The following AK9 variants were observed in gnomAD, a reference collection of about 807,000 sequenced individuals.
The protein encoded by AK9 is adenylate kinase 9, also known as adenylate kinase domain containing 1.
AK9 carries 191 observed loss-of-function variants against 239.6 expected under a neutral mutation model. The ratio of observed to expected loss-of-function variants is 0.80; its 90% CI spans 0.71 to 0.90. The LOEUF is 0.90. AK9 is among the 40% of genes least tolerant of loss of function. AK9 has a pLI of 0.00. For missense variants in AK9, 1,995 were observed against 2,214.7 expected (o/e 0.90, Z 1.99); for synonymous variants, 689 against 721.0 (o/e 0.96, Z 0.71).
At chr6:109,533,217 A>C in intron 28 of AK9, 34 bp downstream of exon 28, 1 of 1,504,442 alleles carries the variant, frequency 6.6e-7, no homozygotes, top group South Asian at 1.3e-5. Flanking sequence ...GATGCTGAAC[A>C]GATTTATTCA....
intron 23 of AK9, 105 bp from the exon 24 acceptor site, chr6:109,563,817 C>A (rs575884570): frequency 2.3e-6 from 3 of 1,313,824 alleles, no homozygotes; most frequent in East Asian, 5.1e-5. Context: ...TATTATTAGT[C>A]TCTTAGATTA....
At chr6:109,547,240 G>A (rs767422682) in intron 25 of AK9, among the ~76,000 whole-genome samples, 2 of 152,154 alleles carry the variant, frequency 1.3e-5, no homozygotes, top group Non-Finnish European at 2.9e-5. Flanking sequence ...TTATACAGAA[G>A]AGCTTAGATT....
chr6:109,677,801 A>G (rs1307333524), intron 1 of AK9, among the ~76,000 whole-genome samples: 1 of 152,244 alleles, frequency 6.6e-6, no homozygotes, highest in African/African-American at 2.4e-5. Context: ...TATACAGATG[A>G]CAAACACATG....
chr6:109,523,244 A>G (rs537243205), intron 29 of AK9, among the ~76,000 whole-genome samples: 13 of 66,054 alleles, frequency 2.0e-4, no homozygotes, highest in African/African-American at 5.0e-4. Context: ...AGATCATCTA[A>G]GAGACTCTCA....
chr6:109,575,743 C>A (rs1346576833), intron 20 of AK9, among the ~76,000 whole-genome samples: 1 of 152,094 alleles, frequency 6.6e-6, no homozygotes, highest in Non-Finnish European at 1.5e-5. Flanking sequence ...TTTGCCTAAG[C>A]CAATGTCTAT....
chr6:109,668,448 T>C (rs1801575975), intron 5 of AK9, among the ~76,000 whole-genome samples: 1 of 151,790 alleles, frequency 6.6e-6, no homozygotes, highest in African/African-American at 2.4e-5. Flanking sequence ...TTGCTTTTGG[T>C]ATTTTAGACA....
intron 15 of AK9, 62 bp downstream of exon 15, chr6:109,614,121 T>G: frequency 6.9e-7 from 1 of 1,444,086 alleles, no homozygotes; most frequent in Non-Finnish European, 9.5e-7. Context: ...ATAAACATAA[T>G]CAAATATGAA....
chr6:109,534,089 C>T (rs898812644), intron 27 of AK9, among the ~76,000 whole-genome samples: 4 of 151,850 alleles, frequency 2.6e-5, no homozygotes, highest in Admixed American at 2.6e-4. Flanking sequence ...ATGTATGTAT[C>T]CTGGTTCCTA....
chr6:109,495,339 T>C lies in AK9; in HGVS notation c.5417A>G (p.Gln1806Arg). The C allele has an allele frequency of 6.2e-7, 1 of 1,606,040 alleles. No homozygotes were observed. Among genetic ancestry groups the C allele is most frequent in the Non-Finnish European group, 8.5e-7 (1 of 1,174,900 alleles). The change falls in exon 39 of 41, where the codon CAG becomes CGG. Residue 1806 changes from glutamine (Q) to arginine (R), a missense_variant and splice_region_variant. Around this residue, in one of 5 missense-constraint regions of AK9, gnomAD observed 391 missense variants for 456.0 expected, o/e 0.86. Transcript: ENST00000424296. ...TAACAGAAAATTAAGTAAAAGAACC[T>C]GTTCCAGATATCCAGGCAAAGGAAG... ...TSLPLPGYLE[Q>R]GIATSLIKAM...
In AK9 at chr6:109,545,961, T is replaced by C; in HGVS notation, c.3131A>G (p.Glu1044Gly). The change falls in exon 26 of 41, where the codon GAA becomes GGA. Residue 1044 changes from glutamate (E) to glycine (G), a missense_variant. Transcript: ENST00000424296. ...GGCAGCTTGCTCGTTCTCAGAATCT[T>C]CCTCAAATTCAGGTCCCACTTTCTT... is the stretch of plus-strand genomic sequence containing the variant. Reference protein sequence around the residue: ...TEKKVGPEFEEDSENEQAAKQ... With the variant: ...TEKKVGPEFEGDSENEQAAKQ... 6.2e-7 allele frequency: 1 copy of C among 1,614,242 alleles called. No homozygotes were observed.
At chr6:109,660,367 T>C (rs1389323430) in intron 6 of AK9, among the ~76,000 whole-genome samples, 1 of 152,154 alleles carries the variant, frequency 6.6e-6, no homozygotes, top group African/African-American at 2.4e-5. Flanking sequence ...TGTCATTTAT[T>C]AAGTTTGGAG....
intron 13 of AK9, among the ~76,000 whole-genome samples, chr6:109,615,918 C>G (rs898224847): frequency 4.8e-5 from 4 of 83,488 alleles, no homozygotes; most frequent in African/African-American, 1.7e-4. Flanking sequence ...CCTAAATAAA[C>G]AAACAAAAGT....
intron 20 of AK9, among the ~76,000 whole-genome samples, chr6:109,574,898 C>T (rs1562433752): frequency 6.6e-6 from 1 of 152,092 alleles, no homozygotes; most frequent in Non-Finnish European, 1.5e-5. Context: ...TCTATTATAT[C>T]ATTCTTATGC....
At chr6:109,508,985 G>T (rs1778401164) in intron 33 of AK9, among the ~76,000 whole-genome samples, 194 bp downstream of exon 33, 1 of 152,180 alleles carries the variant, frequency 6.6e-6, no homozygotes, top group Non-Finnish European at 1.5e-5. Flanking sequence ...AATCTGGCAT[G>T]TGAATTTTCA....
intron 1 of AK9, chr6:109,690,616 T>C (rs1013528820): frequency 6.6e-6 from 1 of 152,172 alleles, no homozygotes; most frequent in Non-Finnish European, 1.5e-5. Context: ...TGTAGTTCTT[T>C]GTCATTTCTT....
In AK9 at chr6:109,579,704, G is replaced by A. The variant is rs568723423; in HGVS notation, c.2115-78C>T. On this transcript the variant is annotated intron_variant, in intron 19 of 40. Coordinates refer to ENST00000424296, the MANE Select transcript of AK9 (RefSeq NM_001145128.3). Reference sequence around the variant, plus strand: ...ACTATTACAGGATTAAATGCTTATAGTGTTAAAAATAAAGATTAAATCTTA... The same window carrying A: ...ACTATTACAGGATTAAATGCTTATAATGTTAAAAATAAAGATTAAATCTTA... 42 of 1,212,632 alleles carry A rather than the reference G, an allele frequency of 3.5e-5. No homozygotes were observed. In the South Asian group the frequency reaches 5.7e-4, roughly 16 times the overall value. The allele number at this position is 1,212,632 out of a possible 1,614,324, so 75.1% of individuals were successfully genotyped here.
intron 12 of AK9, among the ~76,000 whole-genome samples, chr6:109,630,363 G>C (rs1795983899): frequency 6.6e-6 from 1 of 152,148 alleles, no homozygotes. Flanking sequence ...TAAATGTGAT[G>C]CTATCCTAGT....
At chr6:109,657,008 T>C in intron 7 of AK9, 124 bp from the exon 8 acceptor site, 2 of 1,118,168 alleles carry the variant, frequency 1.8e-6, no homozygotes, top group Non-Finnish European at 2.6e-6. Context: ...AGGGGACGAT[T>C]AAAGATTAAG....
intron 29 of AK9, among the ~76,000 whole-genome samples, chr6:109,523,325 G>A (rs1191488115): frequency 1.3e-5 from 2 of 151,888 alleles, no homozygotes; most frequent in Non-Finnish European, 1.5e-5. Flanking sequence ...GTAGAACAGT[G>A]TTGTTTTCCC....
Sources: allele counts gnomAD v4.1 joint callset (sites outside exome capture counted in the v4.1 genomes callset), GRCh38; gene constraint gnomAD v4.1.1; regional missense constraint gnomAD v4.1.1; transcripts MANE v1.5; gene names NCBI Gene and HGNC (gene_info 2026-07-23, HGNC 2026-07-21).